Variants in GPC5 observed in about 807,000 individuals in gnomAD.
GPC5 encodes glypican-5.
Under a neutral mutation model 53.9 loss-of-function variants are expected in GPC5, and 47 were observed. That is an observed-to-expected ratio of 0.87 (90% confidence interval 0.69 to 1.11). The LOEUF is 1.11. Ranked by LOEUF, GPC5 falls within the 50% of genes most tolerant of loss-of-function variation. The probability of loss-of-function intolerance (pLI) is 0.00; values close to 1 mark genes in which losing one functional copy is unlikely to be tolerated. For synonymous variants in GPC5, 286 were observed against 263.3 expected, an observed-to-expected ratio of 1.09 and a Z score of -0.84; for missense variants, 748 against 713.1, an observed-to-expected ratio of 1.05 and a Z score of -0.56.
intron 7 of GPC5, among the ~76,000 whole-genome samples, chr13:92,399,071 A>C (rs188066372): frequency 1.3e-5 from 2 of 152,286 alleles, no homozygotes; most frequent in Non-Finnish European, 2.9e-5. Flanking sequence ...ACCACCACCC[A>C]AAAGACTCTA....
intron 7 of GPC5, among the ~76,000 whole-genome samples, chr13:92,314,899 T>A (rs1429020278): frequency 6.6e-6 from 1 of 152,096 alleles, no homozygotes; most frequent in Non-Finnish European, 1.5e-5. Context: ...CTCACCCTAC[T>A]GAGTAGCTGA....
At chr13:92,149,821 ATG>A (rs1250909576) in intron 7 of GPC5, among the ~76,000 whole-genome samples, 2 of 151,952 alleles carry the variant, frequency 1.3e-5, no homozygotes, top group South Asian at 2.1e-4. Flanking sequence ...TAGGAAAACT[ATG>A]TATTTATTCA....
intron 7 of GPC5, among the ~76,000 whole-genome samples, chr13:92,571,532 A>C (rs1489914149): frequency 6.6e-6 from 1 of 152,206 alleles, no homozygotes; most frequent in Admixed American, 6.6e-5. Context: ...ATGAAACTGC[A>C]TTCCAAATCC....
intron 7 of GPC5, among the ~76,000 whole-genome samples, chr13:92,243,184 C>G (rs1341919436): frequency 6.6e-6 from 1 of 152,144 alleles, no homozygotes; most frequent in Non-Finnish European, 1.5e-5. Context: ...TCTGTTGCAA[C>G]TCAAAACATT....
In GPC5 at chr13:92,482,518, T is replaced by A. The variant is rs148475548; in HGVS notation, c.1561+337529T>A. 1.1e-4 allele frequency among the ~76,000 whole-genome samples: 17 copies of A among 152,338 alleles called. No individual in the cohort carries two copies. The East Asian group carries it at 3.3e-3, about 29-fold the overall frequency. On this transcript the variant is annotated intron_variant, in intron 7 of 7. Transcript: ENST00000377067. ...CTTACCTCTTTTGCAGCATTGCTTG[T>A]AGAGTAAAAGATTCTTTAACACCAT...
At chr13:92,724,275 G>T (rs1031271296) in intron 7 of GPC5, among the ~76,000 whole-genome samples, 14 of 151,266 alleles carry the variant, frequency 9.3e-5, no homozygotes, top group African/African-American at 3.4e-4. Context: ...ATCATTTTTA[G>T]CAAAATAAAT....
chr13:92,491,207 G>A (rs563976691), intron 7 of GPC5, among the ~76,000 whole-genome samples: 34 of 152,132 alleles, frequency 2.2e-4, no homozygotes, highest in Admixed American at 3.3e-4. Context: ...AGATGTCCTT[G>A]ATATGTGAAG....
Position 92,274,383 on chromosome 13 carries a change from C to G in GPC5, c.1561+129394C>G, listed in dbSNP as rs185373851. Among the ~76,000 whole-genome samples the G allele has an allele frequency of 2.5e-3, 386 of 152,150 alleles. 1 individual carries two copies. Among genetic ancestry groups the G allele is most frequent in the African/African-American group, 9.1e-3 (378 of 41,510 alleles). On this transcript the variant is annotated intron_variant, in intron 7 of 7. Transcript: ENST00000377067. ...TCTGTGTATTTTCATTTGTTGTGTC[C>G]TTTTTCAGACCAGCATCATCTACCC...
chr13:92,515,218 A>G (rs1336557957), intron 7 of GPC5, among the ~76,000 whole-genome samples: 1 of 152,216 alleles, frequency 6.6e-6, no homozygotes, highest in Non-Finnish European at 1.5e-5. Flanking sequence ...TAAGCTTAGT[A>G]CTAAGAACAA....
chr13:91,828,779 G>A (rs2038613135), intron 5 of GPC5, among the ~76,000 whole-genome samples: 1 of 151,904 alleles, frequency 6.6e-6, no homozygotes, highest in Non-Finnish European at 1.5e-5. Flanking sequence ...AGGAATCTAT[G>A]AACCTAAACT....
chr13:92,376,798 C>A (rs1411085313), intron 7 of GPC5, among the ~76,000 whole-genome samples: 3 of 151,860 alleles, frequency 2.0e-5, no homozygotes, highest in Non-Finnish European at 4.4e-5. Context: ...GGGCGGATCA[C>A]CAGGTCAGGA....
chr13:91,787,789 A>G (rs2037901967), intron 5 of GPC5, among the ~76,000 whole-genome samples: 2 of 152,226 alleles, frequency 1.3e-5, no homozygotes, highest in South Asian at 4.1e-4. Context: ...CAATTTTTCA[A>G]TAACAGAAGA....
chr13:91,410,021 AGTGAATAAT>A (rs1877604349), intron 1 of GPC5, among the ~76,000 whole-genome samples: 1 of 152,212 alleles, frequency 6.6e-6, no homozygotes, highest in African/African-American at 2.4e-5. Context: ...CACATATTTT[AGTGAATAAT>A]GTGAATAACG....
At chr13:91,957,996 T>C (rs1374407519) in intron 6 of GPC5, among the ~76,000 whole-genome samples, 5 of 151,518 alleles carry the variant, frequency 3.3e-5, no homozygotes, top group Non-Finnish European at 1.5e-5. Context: ...AAAAATCAAT[T>C]AATAAATGAC....
intron 6 of GPC5, among the ~76,000 whole-genome samples, chr13:92,102,145 G>T (rs1343949565): frequency 6.6e-6 from 1 of 152,098 alleles, no homozygotes; most frequent in East Asian, 1.9e-4. Context: ...AAGGACATGG[G>T]TGAACTCAGA....
intron 7 of GPC5, among the ~76,000 whole-genome samples, chr13:92,752,325 C>A (rs993949539): frequency 2.0e-5 from 3 of 152,192 alleles, no homozygotes; most frequent in Non-Finnish European, 2.9e-5. Flanking sequence ...ACAAAATGCT[C>A]TGGTCCTCTT....
chr13:92,840,088 T>TATATATATATATATATAC (rs1566440539), intron 7 of GPC5, among the ~76,000 whole-genome samples: 12 of 40,590 alleles, frequency 3.0e-4, no homozygotes, highest in African/African-American at 9.6e-4. Context: ...CATATATATA[T>TATATATATATATATATAC]ATATATATAT....
intron 6 of GPC5, among the ~76,000 whole-genome samples, chr13:92,053,790 G>A (rs544087478): frequency 9.2e-5 from 14 of 152,062 alleles, no homozygotes; most frequent in African/African-American, 2.9e-4. Flanking sequence ...AGCACTTTGG[G>A]AGGCCGAGGT....
At chr13:91,859,000 C>T (rs142861132) in intron 5 of GPC5, among the ~76,000 whole-genome samples, 1 of 148,692 alleles carries the variant, frequency 6.7e-6, no homozygotes, top group Admixed American at 6.7e-5. Context: ...ACTATAATGT[C>T]ACCTTTTTCA....
Sources: gnomAD v4.1 joint callset for allele counts (sites outside exome capture counted in the v4.1 genomes callset) on GRCh38, gnomAD v4.1.1 for gene constraint, MANE v1.5 for transcripts, NCBI Gene and HGNC (gene_info 2026-07-23, HGNC 2026-07-21) for gene names.